The following FAM76B variants were observed in gnomAD, a reference collection of about 807,000 sequenced individuals.
FAM76B encodes the protein family with sequence similarity 76 member B, also known as protein FAM76B.
FAM76B carries 16 observed loss-of-function variants against 51.8 expected under a neutral mutation model. The observed-to-expected ratio is 0.31, with a 90% CI of 0.21 to 0.47. The LOEUF is 0.47. Ranked by LOEUF, FAM76B falls within the 20% of genes least tolerant of loss-of-function variation. The pLI is 1.00. For synonymous variants in FAM76B, 166 were observed against 129.5 expected (o/e 1.28, Z -1.91); for missense variants, 342 against 392.6 (o/e 0.87, Z 1.09).
intron 7 of FAM76B, chr11:95,779,257 C>T (rs897203661): frequency 4.1e-5 from 31 of 757,464 alleles, no homozygotes; most frequent in Non-Finnish European, 6.0e-5. Context: ...AACAAAGTAA[C>T]GCTCATAATA....
rs761501827 is a variant in FAM76B, at chr11:95,783,117, G to A, written c.511C>T (p.His171Tyr). ...TGATGGTGATGATGGTGGTGATGAT[G>A]TTTTGGATGATGCTGGTCTTTCTCA... ...LTEKDQHHPK[H>Y]HHHHHHHHHR... Residue 171 changes from histidine (H) to tyrosine (Y), a missense_variant, in exon 5 of 10, where the codon CAT (histidine) becomes TAT (tyrosine). This residue lies in a region of FAM76B where 230 missense variants were observed against 257.4 expected (regional missense o/e 0.89). Coordinates refer to ENST00000358780, the MANE Select transcript of FAM76B (RefSeq NM_144664.5). 2 of 1,613,012 alleles carry A rather than the reference G, an allele frequency of 1.2e-6. No homozygotes were observed. Among genetic ancestry groups the A allele is most frequent in the African/African-American group, 1.3e-5 (1 of 74,934 alleles).
At chr11:95,781,061 T>C (rs1023957677) in intron 5 of FAM76B, among the ~76,000 whole-genome samples, 7 of 151,706 alleles carry the variant, frequency 4.6e-5, no homozygotes, top group Admixed American at 1.3e-4. Flanking sequence ...GGAAATCCTA[T>C]TGAGGAATGC....
At chr11:95,780,731 G>C (rs1414633574) in intron 5 of FAM76B, among the ~76,000 whole-genome samples, 1 of 151,960 alleles carries the variant, frequency 6.6e-6, no homozygotes, top group African/African-American at 2.4e-5. Context: ...TAGAATACCT[G>C]AGCTGTGACC....
chr11:95,780,428 A>G lies in FAM76B; in HGVS notation c.564-502T>C, dbSNP rs532929913. Among the ~76,000 whole-genome samples the G allele has an allele frequency of 2.0e-5, 3 of 152,100 alleles. No individual in the cohort carries two copies. The East Asian group carries it at 5.8e-4, about 29-fold the overall frequency. On this transcript the variant is annotated intron_variant, in intron 5 of 9. Transcript: ENST00000358780. ...CCTAGTTTTCTTAAGAATCCTCTCC[A>G]AAGTCCATAGAGCTCTCTTTAGTTA...
chr11:95,775,103 C>T (rs542716747), intron 9 of FAM76B, among the ~76,000 whole-genome samples: 1 of 151,268 alleles, frequency 6.6e-6, no homozygotes, highest in African/African-American at 2.4e-5. Flanking sequence ...CTTCCATTAA[C>T]ATTTAAAACT....
chr11:95,780,291 T>A (rs2120237486), intron 5 of FAM76B, among the ~76,000 whole-genome samples: 1 of 152,050 alleles, frequency 6.6e-6, no homozygotes, highest in Admixed American at 6.5e-5. Context: ...ATCTTTAAAG[T>A]TAAGGCTTTC....
chr11:95,776,930 TAAAA>T (rs59241219), intron 8 of FAM76B, among the ~76,000 whole-genome samples: 3 of 144,628 alleles, frequency 2.1e-5, no homozygotes, highest in Admixed American at 6.9e-5. Flanking sequence ...ATAGTCTTAT[TAAAA>T]AAAAAAACCC....
chr11:95,778,860 G>C lies in FAM76B; in HGVS notation c.790C>G (p.Gln264Glu). 1.2e-6 allele frequency: 2 copies of C among 1,610,346 alleles called. No individual in the cohort carries two copies. Among genetic ancestry groups the C allele is most frequent in the Non-Finnish European group, 1.7e-6 (2 of 1,177,834 alleles). Residue 264 changes from glutamine (Q) to glutamate (E), a missense_variant, in exon 8 of 10, where the codon CAG becomes GAG. Physicochemically the swap from Gln to Glu is conservative, Grantham distance 29. Transcript: ENST00000358780. Reference sequence around the variant, plus strand: ...TCTAAAATGGTCTGGTCTCTCTGCTGTAAGAGACGCTTAAGTGACATCACT... The same window carrying C: ...TCTAAAATGGTCTGGTCTCTCTGCTCTAAGAGACGCTTAAGTGACATCACT... ...EEVMSLKRLLQQRDQTILEKD... is the reference protein window; with the variant it reads ...EEVMSLKRLLEQRDQTILEKD...
At chr11:95,788,205 A>AT (rs982225743) in intron 2 of FAM76B, among the ~76,000 whole-genome samples, 7 of 151,474 alleles carry the variant, frequency 4.6e-5, no homozygotes, top group East Asian at 1.9e-4. Flanking sequence ...AGGCTTTACC[A>AT]TTTTTTTTTA....
intron 6 of FAM76B, 80 bp downstream of exon 6, chr11:95,779,792 GTAAGACT>G: frequency 4.5e-6 from 7 of 1,556,756 alleles, no homozygotes; most frequent in Middle Eastern, 1.7e-4. Flanking sequence ...ACTGATTTTG[GTAAGACT>G]TAAGTAACAA....
chr11:95,769,368 A>G lies in FAM76B; in HGVS notation c.*2193T>C, dbSNP rs1441236002. ...TATAAAATAAGGTCATGGAATAAAG[A>G]AGGGTATTTAATTAGGACTAAATAC... On this transcript the variant is annotated 3_prime_UTR_variant, in exon 10 of 10. Coordinates refer to ENST00000358780, the MANE Select transcript of FAM76B (RefSeq NM_144664.5). 6.6e-6 allele frequency: 1 copy of G among 152,268 alleles called. No homozygotes were observed. The highest frequency in any genetic ancestry group is 2.4e-5 in the African/African-American group (1 of 41,410). The allele number at this position is 152,268 out of a possible 1,614,324, so 9.4% of individuals were successfully genotyped here.
rs1470120881 is a variant in FAM76B, at chr11:95,785,835, G to C, written c.363+284C>G. On this transcript the variant is annotated intron_variant, in intron 4 of 9. Transcript: ENST00000358780. ...GTCAAGTAACTAGCAAAAGGGTAAA[G>C]TAAAAGGAGATATTTAAGCAATTAG... Among the ~76,000 whole-genome samples, 4 of 152,292 alleles carry C rather than the reference G, an allele frequency of 2.6e-5. No homozygotes were observed. The East Asian group carries it at 7.7e-4, about 29-fold the overall frequency.
intron 9 of FAM76B, 35 bp downstream of exon 9, chr11:95,775,887 C>CT (rs763820708): frequency 2.1e-6 from 3 of 1,436,674 alleles, no homozygotes; most frequent in Non-Finnish European, 2.8e-6. Context: ...TTTAGCCCTT[C>CT]TTGCCTATCA....
rs200608990 is a variant in FAM76B at position 95,786,216 on chromosome 11, C to T, written c.266G>A (p.Arg89His). ...ATACTTTTTTTCTGAATTTGTGCAA[C>T]GCTGACACTTGGTACCAATAAATGC... ...IAAFIGTKCQRCTNSEKKYGP... is the reference protein window; with the variant it reads ...IAAFIGTKCQHCTNSEKKYGP... The change falls in exon 4 of 10, where the codon CGT becomes CAT. Residue 89 changes from arginine to histidine, a missense_variant. By Grantham distance (29) the Arg-to-His change is conservative (BLOSUM62 0). Coordinates refer to ENST00000358780, the MANE Select transcript of FAM76B (RefSeq NM_144664.5). 2,831 of 1,614,100 alleles carry T rather than the reference C, an allele frequency of 1.8e-3. 6 individuals carry two copies. Among genetic ancestry groups the T allele is most frequent in the Non-Finnish European group, 2.1e-3 (2,472 of 1,179,998 alleles).
Position 95,769,601 on chromosome 11 carries a change from A to G in FAM76B, c.*1960T>C, listed in dbSNP as rs1253791927. On this transcript the variant is annotated 3_prime_UTR_variant, in exon 10 of 10. Coordinates refer to ENST00000358780, the MANE Select transcript of FAM76B (RefSeq NM_144664.5). ...CTCCAACAAGGTGTAAGAACTATCA[A>G]AAAGTAAAACCATAATGACCACTGT... 1 of 151,888 alleles carries G rather than the reference A, an allele frequency of 6.6e-6. No homozygotes were observed. Among genetic ancestry groups the G allele is most frequent in the African/African-American group, 2.4e-5 (1 of 41,408 alleles). The allele number at this position is 151,888 out of a possible 1,614,324, so 9.4% of individuals were successfully genotyped here.
intron 2 of FAM76B, among the ~76,000 whole-genome samples, chr11:95,787,981 C>A (rs1860695755): frequency 6.6e-6 from 1 of 152,208 alleles, no homozygotes; most frequent in Non-Finnish European, 1.5e-5. Flanking sequence ...CCAGTGCCTA[C>A]CTAACCTTCC....
intron 1 of FAM76B, chr11:95,789,103 C>G (rs893628308): frequency 2.1e-6 from 3 of 1,401,556 alleles, no homozygotes; most frequent in Admixed American, 5.3e-5. Flanking sequence ...GCGGCATAGA[C>G]AGGTGGCTGC....
chr11:95,789,275 C>G, intron 1 of FAM76B, 117 bp downstream of exon 1: 1 of 1,185,520 alleles, frequency 8.4e-7, no homozygotes, highest in Non-Finnish European at 1.2e-6. Flanking sequence ...GGCGAGGGCT[C>G]CAGACTCCCA....
chr11:95,787,696 T>C lies in FAM76B; in HGVS notation c.153-18A>G, dbSNP rs576951495. 2 of 1,582,356 alleles carry C rather than the reference T, an allele frequency of 1.3e-6. No individual in the cohort carries two copies. The highest frequency in any genetic ancestry group is 1.3e-5 in the African/African-American group (1 of 74,402). ...TAGTTTTGCTGAAAAATAAATTGTA[T>C]ATAGATCATGTTTATGTAGCTTTCT... On this transcript the variant is annotated intron_variant, in intron 2 of 9. Transcript: ENST00000358780.
Sources: allele counts gnomAD v4.1 joint callset (sites outside exome capture counted in the v4.1 genomes callset), GRCh38; gene constraint gnomAD v4.1.1; regional missense constraint gnomAD v4.1.1; transcripts MANE v1.5; gene names NCBI Gene and HGNC (gene_info 2026-07-23, HGNC 2026-07-21).